Variants in BAZ2B observed in about 807,000 individuals in gnomAD.
The protein encoded by BAZ2B is bromodomain adjacent to zinc finger domain protein 2B.
BAZ2B carries 91 observed loss-of-function variants against 246.0 expected under a neutral mutation model. That is an observed-to-expected ratio of 0.37 (90% CI 0.31 to 0.44). BAZ2B has a LOEUF of 0.44. BAZ2B is among the 20% of genes least tolerant of loss of function. The probability of loss-of-function intolerance (pLI) is 1.00; values close to 1 mark genes in which losing one functional copy is unlikely to be tolerated. For synonymous variants in BAZ2B, 855 were observed against 860.0 expected, an observed-to-expected ratio of 0.99 and a Z score of 0.10; for missense variants, 2,332 against 2,533.7, an observed-to-expected ratio of 0.92 and a Z score of 1.71.
intron 1 of BAZ2B, among the ~76,000 whole-genome samples, chr2:159,604,956 G>GCA (rs1693100374): frequency 6.8e-6 from 1 of 147,192 alleles, no homozygotes; most frequent in Non-Finnish European, 1.5e-5. Context: ...GTGTGTGCGC[G>GCA]TGTGTGCGCG....
intron 31 of BAZ2B, among the ~76,000 whole-genome samples, chr2:159,341,624 C>A (rs1453376669): frequency 6.6e-6 from 1 of 152,142 alleles, no homozygotes; most frequent in Non-Finnish European, 1.5e-5. Flanking sequence ...TATGTTAGGA[C>A]TCAAATCTCA....
chr2:159,371,721 C>T (rs1249411598), intron 27 of BAZ2B, among the ~76,000 whole-genome samples: 1 of 152,202 alleles, frequency 6.6e-6, no homozygotes, highest in African/African-American at 2.4e-5. Flanking sequence ...AAATTAGTCT[C>T]TGTTCTCCAA....
chr2:159,657,849 T>A, the BAZ2B span, among the ~76,000 whole-genome samples: 9 of 152,312 alleles, frequency 5.9e-5, no homozygotes, highest in African/African-American at 2.2e-4. Flanking sequence ...AGTTCCAGAT[T>A]TTTTGGTTGA....
At chr2:159,607,714 A>G (rs996373877) in intron 1 of BAZ2B, among the ~76,000 whole-genome samples, 2 of 152,204 alleles carry the variant, frequency 1.3e-5, no homozygotes, top group Non-Finnish European at 2.9e-5. Context: ...AGGCTTATGC[A>G]GTCCTTCTTT....
At chr2:159,477,617 T>G (rs2078754081) in intron 3 of BAZ2B, among the ~76,000 whole-genome samples, 1 of 152,092 alleles carries the variant, frequency 6.6e-6, no homozygotes, top group African/African-American at 2.4e-5. Flanking sequence ...ATCATTTAGT[T>G]TACTGCTTAT....
chr2:159,482,917 GAT>G (rs780057134), intron 2 of BAZ2B, among the ~76,000 whole-genome samples: 6 of 152,084 alleles, frequency 3.9e-5, no homozygotes, highest in Non-Finnish European at 8.8e-5. Flanking sequence ...TCTATTCCTA[GAT>G]TTCTGTTAGG....
chr2:159,703,252 TA>T, the BAZ2B span, among the ~76,000 whole-genome samples: 43,838 of 120,934 alleles, frequency 0.36, 7,504 homozygotes, highest in South Asian at 0.53. Context: ...CACACCCAGC[TA>T]ATTTTTGTTA....
At chr2:159,385,837 G>C (rs1363516185) in intron 22 of BAZ2B, among the ~76,000 whole-genome samples, 1 of 152,092 alleles carries the variant, frequency 6.6e-6, no homozygotes, top group Non-Finnish European at 1.5e-5. Context: ...AGGTGCATCT[G>C]GGAGGTTCTC....
At chr2:159,640,712 A>G in the BAZ2B span, among the ~76,000 whole-genome samples, 3 of 152,072 alleles carry the variant, frequency 2.0e-5, no homozygotes, top group Admixed American at 2.0e-4. Context: ...AGTAAGAAGG[A>G]AATTTATGGC....
chr2:159,681,408 T>C, the BAZ2B span, among the ~76,000 whole-genome samples: 9,952 of 141,350 alleles, frequency 0.07, 429 homozygotes, highest in Middle Eastern at 0.19. Flanking sequence ...ACACAATACA[T>C]AGATATGAAA....
At chr2:159,540,056 T>C (rs2086477266) in intron 2 of BAZ2B, among the ~76,000 whole-genome samples, 1 of 152,206 alleles carries the variant, frequency 6.6e-6, no homozygotes, top group Non-Finnish European at 1.5e-5. Flanking sequence ...TAATTGAGAA[T>C]ATTTTACTTA....
intron 2 of BAZ2B, among the ~76,000 whole-genome samples, chr2:159,513,433 G>A (rs1007950770): frequency 6.6e-6 from 1 of 152,136 alleles, no homozygotes; most frequent in Non-Finnish European, 1.5e-5. Flanking sequence ...TACCCACTCT[G>A]TAAAGCCTTC....
the BAZ2B span, among the ~76,000 whole-genome samples, chr2:159,624,014 G>A: frequency 6.6e-6 from 1 of 152,178 alleles, no homozygotes; most frequent in Non-Finnish European, 1.5e-5. Context: ...TGGGGGGAGG[G>A]GCATCTGCCA....
At chr2:159,606,638 C>T in intron 1 of BAZ2B, among the ~76,000 whole-genome samples, 1 of 152,062 alleles carries the variant, frequency 6.6e-6, no homozygotes, top group Non-Finnish European at 1.5e-5. Flanking sequence ...CAAAACTTAT[C>T]CTTGTACAAG....
At chr2:159,359,968 A>G (rs948113871) in intron 27 of BAZ2B, among the ~76,000 whole-genome samples, 1 of 152,164 alleles carries the variant, frequency 6.6e-6, no homozygotes, top group Non-Finnish European at 1.5e-5. Flanking sequence ...AAATAATAAG[A>G]GCTGTTTATG....
At chr2:159,438,746 C>T (rs1317701295) in intron 7 of BAZ2B, 51 bp from the exon 8 acceptor site, 1 of 1,511,030 alleles carries the variant, frequency 6.6e-7, no homozygotes, top group East Asian at 2.3e-5. Flanking sequence ...AAGACAAAGA[C>T]TATCAAGCAG....
chr2:159,538,073 C>T (rs35941942), intron 2 of BAZ2B, among the ~76,000 whole-genome samples: 18,985 of 152,016 alleles, frequency 0.12, 1,336 homozygotes, highest in Middle Eastern at 0.21. Flanking sequence ...CTTGGCTCAC[C>T]GCAACCTCTG....
At chr2:159,647,954 T>C in the BAZ2B span, among the ~76,000 whole-genome samples, 78 of 152,240 alleles carry the variant, frequency 5.1e-4, no homozygotes, top group Admixed American at 1.3e-3. Flanking sequence ...ACTGGAACCA[T>C]GCAAAGTGAG....
At chr2:159,375,860 T>C (rs2061359152) in intron 25 of BAZ2B, among the ~76,000 whole-genome samples, 1 of 152,190 alleles carries the variant, frequency 6.6e-6, no homozygotes, top group Non-Finnish European at 1.5e-5. Context: ...ACTGATACTA[T>C]CAACTGAAGG....
Sources: gnomAD v4.1 joint callset for allele counts (sites outside exome capture counted in the v4.1 genomes callset) on GRCh38, gnomAD v4.1.1 for gene constraint, MANE v1.5 for transcripts, NCBI Gene and HGNC (gene_info 2026-07-23, HGNC 2026-07-21) for gene names.